SLC4A10: variants seen among roughly 807,000 people sequenced by gnomAD.
SLC4A10 encodes the protein solute carrier family 4 member 10.
A neutral mutation model predicts 137.7 loss-of-function variants in SLC4A10; 42 were observed. The observed-to-expected ratio is 0.30, with a 90% CI of 0.24 to 0.39. The LOEUF (loss-of-function observed/expected upper bound fraction) is 0.39. Ranked by LOEUF, SLC4A10 falls within the 10% of genes least tolerant of loss-of-function variation. SLC4A10 has a pLI of 1.00. For missense variants in SLC4A10, 925 were observed against 1,355.0 expected (o/e 0.68, Z 4.98); for synonymous variants, 474 against 464.1 (o/e 1.02, Z -0.27).
rs771937357 is a variant in SLC4A10, at chr2:161,949,217, A to G, written c.2335A>G (p.Ile779Val). 3.0e-5 allele frequency: 49 copies of G among 1,611,508 alleles called. 1 individual carries two copies. In the South Asian group the frequency reaches 5.2e-4, roughly 17 times the overall value. ...ILCMVLIDYA[I>V]GIPSPKLQVP... Reference sequence around the variant, plus strand: ...GTGTATGGTTTTAATTGACTATGCCATTGGGATCCCATCTCCAAAACTACA... The same window carrying G: ...GTGTATGGTTTTAATTGACTATGCCGTTGGGATCCCATCTCCAAAACTACA... The change falls in exon 18 of 27, where the codon ATT becomes GTT. Residue 779 changes from isoleucine (I) to valine (V), a missense_variant. By Grantham distance (29) the Ile-to-Val change is conservative. This residue lies in a region of SLC4A10 where 82 missense variants were observed against 151.4 expected (regional missense o/e 0.54). Coordinates refer to ENST00000446997, the MANE Select transcript of SLC4A10 (RefSeq NM_001178015.2).
At chr2:161,778,955 G>A (rs1171758375) in intron 2 of SLC4A10, among the ~76,000 whole-genome samples, 1 of 151,866 alleles carries the variant, frequency 6.6e-6, no homozygotes, top group Non-Finnish European at 1.5e-5. Flanking sequence ...TTTGTTTTGT[G>A]TTGCTATAAC....
At chr2:161,773,167 C>A (rs1446743635) in intron 2 of SLC4A10, among the ~76,000 whole-genome samples, 1 of 151,806 alleles carries the variant, frequency 6.6e-6, no homozygotes, top group Non-Finnish European at 1.5e-5. Flanking sequence ...CTGGTGAGGA[C>A]CTTTGTGCTG....
At chr2:161,824,733 C>T (rs1165280310) in intron 3 of SLC4A10, among the ~76,000 whole-genome samples, 1 of 152,118 alleles carries the variant, frequency 6.6e-6, no homozygotes, top group African/African-American at 2.4e-5. Flanking sequence ...ATGGACCCTT[C>T]TATAATATGT....
At chr2:161,702,025 AC>A (rs1218995213) in intron 1 of SLC4A10, among the ~76,000 whole-genome samples, 1 of 151,950 alleles carries the variant, frequency 6.6e-6, no homozygotes, top group Non-Finnish European at 1.5e-5. Context: ...AAATAGAACT[AC>A]CATATGACTC....
chr2:161,851,483 C>G (rs555805200), intron 4 of SLC4A10, among the ~76,000 whole-genome samples: 2 of 152,162 alleles, frequency 1.3e-5, no homozygotes, highest in South Asian at 4.1e-4. Flanking sequence ...TTTTTACTTT[C>G]TGAATGTTTT....
chr2:161,771,198 T>C, intron 2 of SLC4A10, 144 bp downstream of exon 2: 1 of 616,936 alleles, frequency 1.6e-6, no homozygotes, highest in South Asian at 2.0e-5. Context: ...ATCTGATTGT[T>C]TTGGTACAGT....
chr2:161,804,705 T>A, intron 3 of SLC4A10, 110 bp downstream of exon 3: 1 of 1,060,408 alleles, frequency 9.4e-7, no homozygotes, highest in Non-Finnish European at 1.3e-6. Flanking sequence ...TATACTTTTA[T>A]AAAAGACTTT....
intron 1 of SLC4A10, among the ~76,000 whole-genome samples, chr2:161,723,482 T>C (rs1029717193): frequency 3.9e-5 from 6 of 152,244 alleles, no homozygotes; most frequent in Non-Finnish European, 7.3e-5. Flanking sequence ...TACTTCCTTC[T>C]GGTTTCGTTT....
chr2:161,633,894 T>C (rs1343684472), intron 1 of SLC4A10, among the ~76,000 whole-genome samples: 1 of 151,812 alleles, frequency 6.6e-6, no homozygotes, highest in East Asian at 1.9e-4. Context: ...TTATCATTTT[T>C]TAGCTTTTTA....
intron 9 of SLC4A10, among the ~76,000 whole-genome samples, chr2:161,881,271 T>G (rs764577439): frequency 2.0e-5 from 3 of 151,978 alleles, no homozygotes; most frequent in Non-Finnish European, 4.4e-5. Flanking sequence ...AATAGCAAGA[T>G]GTACATAGGT....
chr2:161,981,883 G>A (rs751460605), intron 26 of SLC4A10, among the ~76,000 whole-genome samples: 13 of 152,204 alleles, frequency 8.5e-5, no homozygotes, highest in East Asian at 1.9e-4. Flanking sequence ...AGCTGGCAGC[G>A]TGCCACAGAT....
chr2:161,768,450 G>T (rs377450487), intron 1 of SLC4A10, among the ~76,000 whole-genome samples: 1 of 152,014 alleles, frequency 6.6e-6, no homozygotes, highest in East Asian at 1.9e-4. Context: ...AAGGCTGTAA[G>T]AAAGACTACA....
Position 161,656,656 on chromosome 2 carries a change from T to A in SLC4A10, c.48+32090T>A, listed in dbSNP as rs539477791. Among the ~76,000 whole-genome samples, 9 of 152,254 alleles carry A rather than the reference T, an allele frequency of 5.9e-5. No homozygotes were observed. The East Asian group carries it at 1.5e-3, about 26-fold the overall frequency. On this transcript the variant is annotated intron_variant, in intron 1 of 26. Transcript: ENST00000446997. Reference sequence around the variant, plus strand: ...AATATATTTTTGCATAAAAGTGATATCTTTGAATTAATGTTTCGTGCCTGA... The same window carrying A: ...AATATATTTTTGCATAAAAGTGATAACTTTGAATTAATGTTTCGTGCCTGA...
chr2:161,855,689 T>A (rs1205281170), intron 5 of SLC4A10, among the ~76,000 whole-genome samples: 1 of 152,066 alleles, frequency 6.6e-6, no homozygotes, highest in African/African-American at 2.4e-5. Context: ...ACAGGTATAT[T>A]TAGGAAATGT....
At chr2:161,778,538 T>C (rs527707821) in intron 2 of SLC4A10, among the ~76,000 whole-genome samples, 1 of 152,018 alleles carries the variant, frequency 6.6e-6, no homozygotes, top group East Asian at 1.9e-4. Flanking sequence ...CAATAATATG[T>C]CACTGATCAT....
intron 1 of SLC4A10, among the ~76,000 whole-genome samples, chr2:161,657,112 C>A (rs1249396046): frequency 2.3e-4 from 9 of 39,170 alleles, no homozygotes; most frequent in Non-Finnish European, 6.8e-4. Flanking sequence ...GACAAATTTG[C>A]AGCATTTTAG....
At chr2:161,788,208 G>A (rs1574969548) in intron 2 of SLC4A10, among the ~76,000 whole-genome samples, 2 of 151,700 alleles carry the variant, frequency 1.3e-5, no homozygotes, top group East Asian at 3.9e-4. Flanking sequence ...TTGTGTGGTG[G>A]CTTTCTCAAA....
chr2:161,766,385 T>G (rs2050796865), intron 1 of SLC4A10, among the ~76,000 whole-genome samples: 1 of 152,122 alleles, frequency 6.6e-6, no homozygotes, highest in Admixed American at 6.6e-5. Flanking sequence ...AAATTAAAAA[T>G]TGATTCAGGT....
chr2:161,824,732 TC>T (rs2057899687), intron 3 of SLC4A10, among the ~76,000 whole-genome samples: 1 of 152,188 alleles, frequency 6.6e-6, no homozygotes, highest in East Asian at 1.9e-4. Flanking sequence ...CATGGACCCT[TC>T]TATAATATGT....
Sources: allele counts gnomAD v4.1 joint callset (sites outside exome capture counted in the v4.1 genomes callset), GRCh38; gene constraint gnomAD v4.1.1; regional missense constraint gnomAD v4.1.1; transcripts MANE v1.5; gene names NCBI Gene and HGNC (gene_info 2026-07-23, HGNC 2026-07-21).